Variants in GPR107 observed in about 807,000 individuals in gnomAD.
GPR107 encodes protein GPR107.
A neutral mutation model predicts 75.5 loss-of-function variants in GPR107; 31 were observed. That is an observed-to-expected ratio of 0.41 (90% CI 0.31 to 0.55). The LOEUF is 0.55. Ranked by LOEUF, GPR107 falls within the 20% of genes least tolerant of loss-of-function variation. The probability of loss-of-function intolerance (pLI) is 0.26; values close to 1 mark genes in which losing one functional copy is unlikely to be tolerated. For synonymous variants in GPR107, 267 were observed against 251.3 expected, an observed-to-expected ratio of 1.06 and a Z score of -0.59; for missense variants, 572 against 665.7, an observed-to-expected ratio of 0.86 and a Z score of 1.55.
Position 130,053,958 on chromosome 9 carries a change from C to A in GPR107, c.26C>A (p.Ser9Tyr), listed in dbSNP as rs772312342. ...ATGGCCGCTCTGGCGCCCGTCGGCTCCCCCGCCTCCCGCGGTCCTAGGCTG... is the reference window on the plus strand; with the variant it reads ...ATGGCCGCTCTGGCGCCCGTCGGCTACCCCGCCTCCCGCGGTCCTAGGCTG... The part of the protein sequence containing the change: MAALAPVG[S>Y]PASRGPRLAA... Residue 9 changes from serine (S) to tyrosine (Y), a missense_variant, in exon 1 of 18, where the codon TCC becomes TAC. By Grantham distance (144) the Ser-to-Tyr change is moderately radical. Transcript: ENST00000347136. 7 of 1,554,958 alleles carry A rather than the reference C, an allele frequency of 4.5e-6. No homozygotes were observed. The African/African-American group carries it at 9.5e-5, about 21-fold the overall frequency.
chr9:130,089,684 C>T (rs960885525), intron 7 of GPR107, among the ~76,000 whole-genome samples: 1 of 152,070 alleles, frequency 6.6e-6, no homozygotes, highest in Non-Finnish European at 1.5e-5. Flanking sequence ...TTTTAGACTT[C>T]CCCTGAATCT....
At chr9:130,126,332 G>A (rs563640379) in intron 15 of GPR107, among the ~76,000 whole-genome samples, 7 of 146,582 alleles carry the variant, frequency 4.8e-5, no homozygotes, top group Admixed American at 2.1e-4. Context: ...TTGAAAGAAC[G>A]TTTCCAAGTC....
At chr9:130,098,712 T>A (rs1830939729) in intron 9 of GPR107, among the ~76,000 whole-genome samples, 1 of 152,100 alleles carries the variant, frequency 6.6e-6, no homozygotes, top group Admixed American at 6.6e-5. Context: ...CAAAACGTAC[T>A]TTATAAAAAA....
intron 14 of GPR107, among the ~76,000 whole-genome samples, chr9:130,107,838 C>T (rs1416165752): frequency 6.6e-6 from 1 of 152,172 alleles, no homozygotes; most frequent in Non-Finnish European, 1.5e-5. Flanking sequence ...AAGAGAAAAT[C>T]TTGTCTTAGA....
intron 8 of GPR107, among the ~76,000 whole-genome samples, chr9:130,091,523 TCA>T (rs1212758038): frequency 1.4e-5 from 2 of 144,098 alleles, no homozygotes; most frequent in African/African-American, 2.5e-5. Flanking sequence ...TTGCTGGTAC[TCA>T]CTTTTTTTTT....
chr9:130,102,969 T>A (rs63553260), intron 12 of GPR107, among the ~76,000 whole-genome samples: 8 of 132,738 alleles, frequency 6.0e-5, no homozygotes, highest in African/African-American at 2.3e-4. Context: ...TTTTTTTTTT[T>A]AATTAGAGGC....
chr9:130,100,375 G>C (rs954736701), intron 10 of GPR107, among the ~76,000 whole-genome samples: 3 of 152,236 alleles, frequency 2.0e-5, no homozygotes, highest in Non-Finnish European at 4.4e-5. Flanking sequence ...GCCCAAGGGG[G>C]TAAGATCACA....
intron 7 of GPR107, among the ~76,000 whole-genome samples, chr9:130,090,674 C>T (rs770947694): frequency 8.5e-5 from 13 of 152,056 alleles, no homozygotes; most frequent in Admixed American, 1.3e-4. Flanking sequence ...TAAACTCTGC[C>T]GTGGGAGAGT....
At chr9:130,083,082 G>T (rs1468731310) in intron 5 of GPR107, among the ~76,000 whole-genome samples, 2 of 151,776 alleles carry the variant, frequency 1.3e-5, no homozygotes, top group African/African-American at 4.8e-5. Context: ...CACCATGCCC[G>T]ACTAATTTTT....
intron 14 of GPR107, among the ~76,000 whole-genome samples, chr9:130,121,284 G>C (rs928942427): frequency 3.3e-5 from 5 of 152,276 alleles, no homozygotes; most frequent in South Asian, 4.2e-4. Flanking sequence ...GAATTGTCTT[G>C]GGCCACACTT....
At chr9:130,126,140 A>G (rs930357345) in intron 15 of GPR107, among the ~76,000 whole-genome samples, 3 of 152,080 alleles carry the variant, frequency 2.0e-5, no homozygotes, top group Non-Finnish European at 4.4e-5. Flanking sequence ...TGTGGTAATA[A>G]ATTTTCCTTA....
intron 8 of GPR107, among the ~76,000 whole-genome samples, chr9:130,091,411 G>A (rs1282341653): frequency 1.3e-5 from 2 of 151,960 alleles, no homozygotes; most frequent in Admixed American, 1.3e-4. Context: ...AGCCCAGGAG[G>A]CAGAGGTTAC....
rs553209266 is a variant in GPR107, at chr9:130,094,210, C to T, written c.863+1829C>T. Among the ~76,000 whole-genome samples, 6 of 152,162 alleles carry T rather than the reference C, an allele frequency of 3.9e-5. No individual in the cohort carries two copies. The South Asian group carries it at 1.0e-3, about 26-fold the overall frequency. On this transcript the variant is annotated intron_variant, in intron 9 of 17. Transcript: ENST00000347136. ...CTGTAATCCTAGCACTTTGGGAGGC[C>T]GAGGTGGGCGGATCATGAGGTCAGG...
rs1554900130 is a variant in GPR107 at position 130,137,369 on chromosome 9, C to G, written c.*2248C>G. 6.6e-6 allele frequency: 1 copy of G among 152,320 alleles called. No individual in the cohort carries two copies. Among genetic ancestry groups the G allele is most frequent in the Non-Finnish European group, 1.5e-5 (1 of 68,092 alleles). The allele number at this position is 152,320 out of a possible 1,614,324, so 9.4% of individuals were successfully genotyped here. A position where few individuals can be genotyped will look rare whatever the true frequency, so the allele number is the denominator to read the frequency against. ...CAGATTCCACGCGTATGTCTGGGCT[C>G]ACTCACAGCATGGCCGAGTGTCTGC... On this transcript the variant is annotated 3_prime_UTR_variant, in exon 18 of 18. Coordinates refer to ENST00000347136, the MANE Select transcript of GPR107 (RefSeq NM_020960.5).
chr9:130,066,368 A>AT (rs1830067767), intron 1 of GPR107, among the ~76,000 whole-genome samples: 1 of 138,874 alleles, frequency 7.2e-6, no homozygotes, highest in Non-Finnish European at 1.5e-5. Flanking sequence ...GTTCCCATTG[A>AT]TTATTATGAT....
intron 17 of GPR107, among the ~76,000 whole-genome samples, chr9:130,131,690 T>C (rs537321858): frequency 2.0e-5 from 3 of 152,156 alleles, no homozygotes; most frequent in East Asian, 1.9e-4. Flanking sequence ...CCTATAGGCC[T>C]TGGTGACACG....
chr9:130,077,160 A>G lies in GPR107; in HGVS notation c.307-139A>G, dbSNP rs563021671. The G allele has an allele frequency of 4.1e-5, 25 of 614,640 alleles. No homozygotes were observed. The South Asian group carries it at 4.1e-4, about 10-fold the overall frequency. 38.1% of individuals were successfully genotyped at this position (614,640 alleles called of 1,614,324 possible). On this transcript the variant is annotated intron_variant, in intron 3 of 17. Transcript: ENST00000347136. ...CTCGGCCTCCCAAAGTGCTGGGATT[A>G]CAGGCGTGAGCCACCACGCCCACCG...
intron 14 of GPR107, among the ~76,000 whole-genome samples, chr9:130,119,596 A>C (rs1041060476): frequency 2.0e-5 from 3 of 152,128 alleles, no homozygotes; most frequent in Admixed American, 6.5e-5. Context: ...ATTTGAACCC[A>C]GGATGTTCAG....
At chr9:130,104,696 C>A in intron 13 of GPR107, 146 bp downstream of exon 13, 1 of 664,026 alleles carries the variant, frequency 1.5e-6, no homozygotes, top group Non-Finnish European at 2.6e-6. Context: ...CCTGAATCAG[C>A]CTCCAGGGGC....
Sources: gnomAD v4.1 joint callset for allele counts (sites outside exome capture counted in the v4.1 genomes callset) on GRCh38, gnomAD v4.1.1 for gene constraint, MANE v1.5 for transcripts, NCBI Gene and HGNC (gene_info 2026-07-23, HGNC 2026-07-21) for gene names.